Variants in DCC observed in about 807,000 individuals in gnomAD.
The protein encoded by DCC is netrin receptor DCC.
Under a neutral mutation model 172.5 loss-of-function variants are expected in DCC, and 58 were observed. The ratio of observed to expected loss-of-function variants is 0.34; its 90% confidence interval spans 0.27 to 0.42. The LOEUF (loss-of-function observed/expected upper bound fraction) is 0.42. Ranked by LOEUF, DCC falls within the 10% of genes least tolerant of loss-of-function variation. DCC has a pLI of 1.00. For synonymous variants in DCC, 709 were observed against 644.5 expected (o/e 1.10, Z -1.52); for missense variants, 1,740 against 1,791.0 (o/e 0.97, Z 0.51).
chr18:52,905,824 C>T (rs1183230004), intron 2 of DCC, among the ~76,000 whole-genome samples: 1 of 152,102 alleles, frequency 6.6e-6, no homozygotes, highest in East Asian at 1.9e-4. Context: ...AAATAAGCTT[C>T]TAGAGATGAA....
At chr18:52,450,178 C>T (rs952479343) in intron 1 of DCC, among the ~76,000 whole-genome samples, 6 of 152,114 alleles carry the variant, frequency 3.9e-5, no homozygotes, top group South Asian at 4.1e-4. Context: ...CAGGAATGTT[C>T]GCCAACAGCC....
At chr18:53,530,379 C>G (rs1269912718) in intron 28 of DCC, 185 bp from the exon 29 acceptor site, 1 of 704,642 alleles carries the variant, frequency 1.4e-6, no homozygotes, top group Non-Finnish European at 2.6e-6. Flanking sequence ...AATATGCAAT[C>G]TCTTATTATC....
intron 1 of DCC, among the ~76,000 whole-genome samples, chr18:52,358,086 A>G (rs1365589753): frequency 1.3e-5 from 2 of 152,156 alleles, no homozygotes; most frequent in African/African-American, 4.8e-5. Flanking sequence ...CCTTTTCCAA[A>G]TCCATAACCC....
At chr18:53,320,848 G>T (rs901551971) in intron 13 of DCC, among the ~76,000 whole-genome samples, 2 of 152,118 alleles carry the variant, frequency 1.3e-5, no homozygotes, top group African/African-American at 4.8e-5. Flanking sequence ...ACCAATGATA[G>T]TCTCAATATA....
At chr18:52,429,976 T>A (rs1288543605) in intron 1 of DCC, among the ~76,000 whole-genome samples, 1 of 152,030 alleles carries the variant, frequency 6.6e-6, no homozygotes, top group African/African-American at 2.4e-5. Context: ...GGATAAGGTA[T>A]AAGAATATTT....
intron 1 of DCC, among the ~76,000 whole-genome samples, chr18:52,668,910 G>A (rs1188348115): frequency 6.6e-6 from 1 of 152,206 alleles, no homozygotes; most frequent in Non-Finnish European, 1.5e-5. Context: ...ACCACCCAGT[G>A]GGTTCACCCT....
intron 15 of DCC, among the ~76,000 whole-genome samples, chr18:53,376,657 C>T (rs922731863): frequency 6.6e-6 from 1 of 152,054 alleles, no homozygotes; most frequent in Non-Finnish European, 1.5e-5. Flanking sequence ...AAGAAAGAGG[C>T]CACCATACCA....
At chr18:53,497,821 T>C (rs2046044158) in intron 26 of DCC, among the ~76,000 whole-genome samples, 1 of 152,228 alleles carries the variant, frequency 6.6e-6, no homozygotes, top group South Asian at 2.1e-4. Flanking sequence ...ATTTGCTCTT[T>C]TTCTTCTTCT....
intron 12 of DCC, among the ~76,000 whole-genome samples, chr18:53,263,362 G>T (rs2056628668): frequency 6.6e-6 from 1 of 152,066 alleles, no homozygotes; most frequent in African/African-American, 2.4e-5. Context: ...ACATTGGCCA[G>T]GCTGGTCTCA....
intron 2 of DCC, among the ~76,000 whole-genome samples, chr18:52,840,829 C>T (rs2038791733): frequency 6.6e-6 from 1 of 152,126 alleles, no homozygotes; most frequent in Admixed American, 6.5e-5. Flanking sequence ...ACACATTCTT[C>T]CAGGTGCAGG....
rs192315205 is a variant in DCC, at chr18:52,524,840, G to T, written c.91+183962G>T. 4.6e-3 allele frequency among the ~76,000 whole-genome samples: 703 copies of T among 152,152 alleles called. 7 individuals carry two copies. Among genetic ancestry groups the T allele is most frequent in the South Asian group, 0.015 (72 of 4,820 alleles). On this transcript the variant is annotated intron_variant, in intron 1 of 28. Transcript: ENST00000442544. ...TATATCAGATAGCATATAATAGAAGGCCAAGGGTAATTATTCCTATGCCCA... is the reference window on the plus strand; with the variant it reads ...TATATCAGATAGCATATAATAGAAGTCCAAGGGTAATTATTCCTATGCCCA...
intron 2 of DCC, among the ~76,000 whole-genome samples, chr18:52,807,144 G>A (rs1452167417): frequency 3.3e-5 from 5 of 152,186 alleles, no homozygotes; most frequent in Non-Finnish European, 7.3e-5. Context: ...GCAGTGAGCC[G>A]AGGTCGCGCC....
At chr18:52,859,722 C>G (rs2039109553) in intron 2 of DCC, among the ~76,000 whole-genome samples, 1 of 152,140 alleles carries the variant, frequency 6.6e-6, no homozygotes. Context: ...AGACAATTTT[C>G]AAGGCTACTT....
chr18:52,761,922 AAAAGAAAAAAAAAAAG>A (rs758211057), intron 2 of DCC, among the ~76,000 whole-genome samples: 14,152 of 146,858 alleles, frequency 0.096, 825 homozygotes, highest in Middle Eastern at 0.2. Context: ...AAAAAAAAAA[AAAAGAAAAAAAAAAAG>A]AAGAAGGAAA....
chr18:52,501,688 G>A (rs1049202283), intron 1 of DCC, among the ~76,000 whole-genome samples: 1 of 152,046 alleles, frequency 6.6e-6, no homozygotes, highest in African/African-American at 2.4e-5. Context: ...AGCCCATGTC[G>A]GTCACCTCTG....
intron 2 of DCC, among the ~76,000 whole-genome samples, chr18:52,760,788 G>C (rs2037148570): frequency 6.6e-6 from 1 of 152,120 alleles, no homozygotes; most frequent in Non-Finnish European, 1.5e-5. Flanking sequence ...AAAGTAAAGA[G>C]ACATCAAAAC....
intron 19 of DCC, among the ~76,000 whole-genome samples, chr18:53,405,812 T>G (rs187510579): frequency 1.4e-4 from 22 of 152,312 alleles, no homozygotes; most frequent in Middle Eastern, 6.8e-3. Context: ...CATTTTAAAA[T>G]GAAAAGCTTA....
intron 1 of DCC, among the ~76,000 whole-genome samples, chr18:52,348,479 C>A (rs1176774704): frequency 6.6e-6 from 1 of 152,158 alleles, no homozygotes; most frequent in Non-Finnish European, 1.5e-5. Flanking sequence ...TTTTCATATG[C>A]TTAATTTGCC....
chr18:53,176,616 A>G (rs1337291510), intron 8 of DCC, among the ~76,000 whole-genome samples: 1 of 152,242 alleles, frequency 6.6e-6, no homozygotes, highest in Admixed American at 6.5e-5. Flanking sequence ...ATGCAAATCA[A>G]AACCACAATG....
Sources: allele counts gnomAD v4.1 joint callset (sites outside exome capture counted in the v4.1 genomes callset), GRCh38; gene constraint gnomAD v4.1.1; transcripts MANE v1.5; gene names NCBI Gene and HGNC (gene_info 2026-07-23, HGNC 2026-07-21).